The following HERC5 variants were observed in gnomAD, a reference collection of about 807,000 sequenced individuals.
The protein encoded by HERC5 is E3 ISG15--protein ligase HERC5.
Under a neutral mutation model 119.6 loss-of-function variants are expected in HERC5, and 99 were observed. That is an observed-to-expected ratio of 0.83 (90% CI 0.70 to 0.98). The LOEUF (loss-of-function observed/expected upper bound fraction) is 0.98, where lower values mean the gene tolerates loss of function less well. Ranked by LOEUF, HERC5 falls within the 50% of genes least tolerant of loss-of-function variation. The pLI, the probability that HERC5 is intolerant of heterozygous loss-of-function variation, is 0.00. For synonymous variants in HERC5, 478 were observed against 445.9 expected (o/e 1.07, Z -0.91); for missense variants, 1,267 against 1,241.3 (o/e 1.02, Z -0.31).
At chr4:88,490,236 A>T (rs1194431618) in intron 16 of HERC5, among the ~76,000 whole-genome samples, 1 of 152,160 alleles carries the variant, frequency 6.6e-6, no homozygotes, top group African/African-American at 2.4e-5. Context: ...GAACTGTTTT[A>T]AGTGCCTTAT....
rs1440639823 is a variant in HERC5, at chr4:88,499,972, G to A, written c.2491G>A (p.Val831Ile). Residue 831 changes from valine (V) to isoleucine (I), a missense_variant, in exon 19 of 23, where the codon GTA (valine) becomes ATA (isoleucine). This residue lies in a region of HERC5 where 473 missense variants were observed against 445.7 expected (regional missense o/e 1.06). Transcript: ENST00000264350. ...LDDEGDNFEEVFYIHFNVHWD... is the reference protein window; with the variant it reads ...LDDEGDNFEEIFYIHFNVHWD... ...TGATGAAGGTGATAACTTTGAGGAAGTATTTTACATCCATTTTAATGTGAG... is the reference window on the plus strand; with the variant it reads ...TGATGAAGGTGATAACTTTGAGGAAATATTTTACATCCATTTTAATGTGAG... 6.2e-7 allele frequency: 1 copy of A among 1,603,364 alleles called. No individual in the cohort carries two copies. Among genetic ancestry groups the A allele is most frequent in the African/African-American group, 1.3e-5 (1 of 74,720 alleles).
intron 13 of HERC5, among the ~76,000 whole-genome samples, chr4:88,482,812 G>T (rs1319557091): frequency 6.6e-6 from 1 of 152,030 alleles, no homozygotes; most frequent in Non-Finnish European, 1.5e-5. Context: ...TGTATTTTTT[G>T]TAGAGACGAG....
chr4:88,490,048 A>G (rs778627713), intron 16 of HERC5, among the ~76,000 whole-genome samples: 48 of 152,184 alleles, frequency 3.2e-4, no homozygotes, highest in Non-Finnish European at 5.7e-4. Flanking sequence ...CTTTGTAGAA[A>G]AGAGAATTTT....
chr4:88,503,942 G>A (rs990459232), intron 20 of HERC5, among the ~76,000 whole-genome samples: 2 of 151,844 alleles, frequency 1.3e-5, no homozygotes, highest in South Asian at 2.1e-4. Flanking sequence ...TGGCAGGCAC[G>A]TGTAATCCCA....
At chr4:88,493,957 G>T (rs1002004638) in intron 17 of HERC5, among the ~76,000 whole-genome samples, 112 of 139,564 alleles carry the variant, frequency 8.0e-4, no homozygotes, top group East Asian at 7.7e-4. Context: ...AAAAGTAATT[G>T]CAGGTTTTGC....
chr4:88,467,112 C>G lies in HERC5; in HGVS notation c.965C>G (p.Ser322Cys). Reference sequence around the variant, plus strand: ...TTGGGAAAGGTCTTTTCCTTTGGTTCTGGAAAAGATGGACAACTGGGAAAT... The same window carrying G: ...TTGGGAAAGGTCTTTTCCTTTGGTTGTGGAAAAGATGGACAACTGGGAAAT... ...SDLGKVFSFG[S>C]GKDGQLGNGG... The change falls in exon 7 of 23, where the codon TCT (serine) becomes TGT (cysteine). Residue 322 changes from serine to cysteine, a missense_variant. Transcript: ENST00000264350. 6.2e-7 allele frequency: 1 copy of G among 1,614,048 alleles called. No individual in the cohort carries two copies.
At chr4:88,468,251 CTACGTT>C (rs1740743313) in intron 7 of HERC5, 89 bp from the exon 8 acceptor site, 3 of 855,322 alleles carry the variant, frequency 3.5e-6, no homozygotes, top group Non-Finnish European at 3.7e-6. Flanking sequence ...GAAAAGATGA[CTACGTT>C]TAAGAAGAAT....
chr4:88,472,090 A>G (rs1397188641), intron 10 of HERC5, among the ~76,000 whole-genome samples: 1 of 151,842 alleles, frequency 6.6e-6, no homozygotes, highest in African/African-American at 2.4e-5. Context: ...TGATCTCTCA[A>G]GCTCAAGCGA....
chr4:88,491,363 C>T (rs144631199), intron 16 of HERC5, among the ~76,000 whole-genome samples: 5 of 152,112 alleles, frequency 3.3e-5, no homozygotes, highest in Admixed American at 6.5e-5. Context: ...AGGTTAAATA[C>T]GTATGGGTGG....
intron 20 of HERC5, among the ~76,000 whole-genome samples, chr4:88,503,132 TTTTA>T (rs1482265770): frequency 6.6e-6 from 1 of 152,198 alleles, no homozygotes; most frequent in African/African-American, 2.4e-5. Context: ...AAGCTTATCA[TTTTA>T]TTTCTCACAT....
chr4:88,504,232 G>A lies in HERC5; in HGVS notation c.2583G>A (p.Lys861=). The A allele has an allele frequency of 6.3e-7, 1 of 1,575,652 alleles. No homozygotes were observed. The highest frequency in any genetic ancestry group is 8.7e-7 in the Non-Finnish European group (1 of 1,151,494). The change falls in exon 21 of 23, where the codon AAG becomes AAA. Residue 861 remains lysine (K), a splice_region_variant and synonymous_variant. Coordinates refer to ENST00000264350, the MANE Select transcript of HERC5 (RefSeq NM_016323.4). ...GAAATAACATTTTGTTTTATTAAAG[G>A]AGAGACTATGTTTCTAAGTATATCA... The part of the protein sequence containing the change: ...GSSITVNQTN[K]RDYVSKYINY...
Position 88,457,356 on chromosome 4 carries a change from G to T in HERC5, c.87G>T (p.Pro29=), listed in dbSNP as rs1021050678. The change falls in exon 1 of 23, where the codon CCG becomes CCT. Residue 29 remains proline (P), a synonymous_variant. Coordinates refer to ENST00000264350, the MANE Select transcript of HERC5 (RefSeq NM_016323.4). The stretch of plus-strand genomic sequence containing the variant: ...CCGCGACCCAGCCCGCGAAGTCTCC[G>T]GGCGCACAGCTCTGGCTCTTTCCCA... ...KAAATQPAKS[P]GAQLWLFPSA... is the part of the protein sequence containing the mutation. The T allele has an allele frequency of 7.0e-6, 10 of 1,428,102 alleles. No individual in the cohort carries two copies. The African/African-American group carries it at 1.3e-4, about 19-fold the overall frequency. The allele number at this position is 1,428,102 out of a possible 1,614,324, so 88.5% of individuals were successfully genotyped here. A position where few individuals can be genotyped will look rare whatever the true frequency, so the allele number is the denominator to read the frequency against.
intron 3 of HERC5, among the ~76,000 whole-genome samples, chr4:88,461,822 G>T (rs886323039): frequency 4.6e-5 from 7 of 151,966 alleles, no homozygotes; most frequent in African/African-American, 1.7e-4. Context: ...TGTTTTTCAT[G>T]GGCCCGTCCT....
rs1740809960 is a variant in HERC5, at chr4:88,469,932, G to C, written c.1238+672G>C. 2.0e-5 allele frequency among the ~76,000 whole-genome samples: 3 copies of C among 152,126 alleles called. No homozygotes were observed. In the South Asian group the frequency reaches 6.2e-4, roughly 32 times the overall value. ...ATTGTGACTCTCTGGCCAGAAAATA[G>C]AGTCTATAGTGTTTCCCAGTCCCAT... On this transcript the variant is annotated intron_variant, in intron 9 of 22. Transcript: ENST00000264350.
At chr4:88,464,864 G>A (rs1027989160) in intron 6 of HERC5, among the ~76,000 whole-genome samples, 2 of 152,162 alleles carry the variant, frequency 1.3e-5, no homozygotes, top group Non-Finnish European at 2.9e-5. Flanking sequence ...TCCGCCTCCT[G>A]GGTTCACACC....
intron 18 of HERC5, among the ~76,000 whole-genome samples, chr4:88,496,934 T>C (rs772750082): frequency 6.6e-6 from 1 of 152,112 alleles, no homozygotes; most frequent in African/African-American, 2.4e-5. Context: ...CATTCCCCTA[T>C]GAAAGAGGCC....
chr4:88,462,087 G>C, intron 3 of HERC5, 48 bp from the exon 4 acceptor site: 3 of 1,491,794 alleles, frequency 2.0e-6, no homozygotes. Flanking sequence ...GGTAATGTCT[G>C]CTGCATTTTA....
At chr4:88,486,064 C>T (rs767292949) in intron 13 of HERC5, 51 bp from the exon 14 acceptor site, 3 of 1,117,388 alleles carry the variant, frequency 2.7e-6, no homozygotes, top group Non-Finnish European at 4.0e-6. Context: ...AGCTATTAAG[C>T]AAAATTGTCT....
intron 9 of HERC5, 141 bp from the exon 10 acceptor site, chr4:88,470,473 C>A: frequency 1.8e-6 from 1 of 551,444 alleles, no homozygotes; most frequent in Non-Finnish European, 3.3e-6. Flanking sequence ...AGGTAATATG[C>A]ATACAGATAG....
Sources: allele counts gnomAD v4.1 joint callset (sites outside exome capture counted in the v4.1 genomes callset), GRCh38; gene constraint gnomAD v4.1.1; regional missense constraint gnomAD v4.1.1; transcripts MANE v1.5; gene names NCBI Gene and HGNC (gene_info 2026-07-23, HGNC 2026-07-21).